The following TNFSF4 variants were observed in gnomAD, a reference collection of about 807,000 sequenced individuals.
The protein encoded by TNFSF4 is tumor necrosis factor ligand superfamily member 4.
In TNFSF4, 4 loss-of-function variants were observed where a neutral mutation model predicts 7.3. The observed-to-expected ratio is 0.55, with a 90% CI of 0.27 to 1.25. The LOEUF (loss-of-function observed/expected upper bound fraction) is 1.25. TNFSF4 is among the 50% of genes most tolerant of loss of function. TNFSF4 has a pLI of 0.12. For synonymous variants in TNFSF4, 76 were observed against 83.7 expected, an observed-to-expected ratio of 0.91 and a Z score of 0.50; for missense variants, 181 against 208.8, an observed-to-expected ratio of 0.87 and a Z score of 0.82.
At chr1:173,311,861 G>A in the TNFSF4 span, among the ~76,000 whole-genome samples, 3 of 152,076 alleles carry the variant, frequency 2.0e-5, no homozygotes, top group South Asian at 4.1e-4. Flanking sequence ...GCAACAAATC[G>A]GTAATGGACA....
chr1:173,285,378 T>C, the TNFSF4 span, among the ~76,000 whole-genome samples: 1 of 152,170 alleles, frequency 6.6e-6, no homozygotes, highest in Non-Finnish European at 1.5e-5. Flanking sequence ...GTGAAGATGC[T>C]GTGAACATTG....
At chr1:173,232,601 G>A in the TNFSF4 span, among the ~76,000 whole-genome samples, 1 of 152,154 alleles carries the variant, frequency 6.6e-6, no homozygotes, top group Non-Finnish European at 1.5e-5. Flanking sequence ...TATTGGCTGT[G>A]GGTTTGCCAT....
the TNFSF4 span, among the ~76,000 whole-genome samples, chr1:173,245,364 T>C: frequency 6.6e-6 from 1 of 152,208 alleles, no homozygotes; most frequent in Non-Finnish European, 1.5e-5. Context: ...TAGAGATTAT[T>C]CCAGGTTCCC....
chr1:173,368,024 TCAATCAGTGCTCTGTAAAATGCAC>T, the TNFSF4 span, among the ~76,000 whole-genome samples: 1 of 152,118 alleles, frequency 6.6e-6, no homozygotes, highest in African/African-American at 2.4e-5. Flanking sequence ...GTAAAATGCA[TCAATCAGTGCTCTGTAAAATGCAC>T]CAATCAGCAC....
chr1:173,328,262 C>A, the TNFSF4 span, among the ~76,000 whole-genome samples: 1 of 150,258 alleles, frequency 6.7e-6, no homozygotes, highest in South Asian at 2.1e-4. Flanking sequence ...AGACAAAAAA[C>A]CAAACACCGC....
chr1:173,230,468 G>A, the TNFSF4 span, among the ~76,000 whole-genome samples: 15 of 152,180 alleles, frequency 9.9e-5, no homozygotes, highest in South Asian at 2.1e-4. Context: ...ATGCTCACAA[G>A]AGAAAGCAGG....
chr1:173,390,015 G>C, the TNFSF4 span, among the ~76,000 whole-genome samples: 5 of 152,088 alleles, frequency 3.3e-5, no homozygotes, highest in Non-Finnish European at 5.9e-5. Context: ...TGTTGGGCCT[G>C]GGTTAAGGGT....
the TNFSF4 span, among the ~76,000 whole-genome samples, chr1:173,376,823 C>A: frequency 6.6e-6 from 1 of 152,174 alleles, no homozygotes; most frequent in South Asian, 2.1e-4. Context: ...TGCTTCTGCT[C>A]AATCTTTGGG....
At chr1:173,330,302 A>ATGT in the TNFSF4 span, among the ~76,000 whole-genome samples, 14 of 63,858 alleles carry the variant, frequency 2.2e-4, no homozygotes, top group East Asian at 0.017. Context: ...TTAATACTAA[A>ATGT]TATTAATTGA....
chr1:173,230,333 G>T, the TNFSF4 span, among the ~76,000 whole-genome samples: 1 of 152,096 alleles, frequency 6.6e-6, no homozygotes, highest in Admixed American at 6.6e-5. Flanking sequence ...ATGACTACTG[G>T]GTACATAACA....
the TNFSF4 span, among the ~76,000 whole-genome samples, chr1:173,431,458 G>C: frequency 1.3e-5 from 2 of 152,192 alleles, no homozygotes; most frequent in Non-Finnish European, 2.9e-5. Flanking sequence ...GGGCCCTGCT[G>C]GGGGCCCAAA....
At chr1:173,238,870 GT>G in the TNFSF4 span, among the ~76,000 whole-genome samples, 2 of 152,090 alleles carry the variant, frequency 1.3e-5, no homozygotes, top group African/African-American at 4.8e-5. Flanking sequence ...GCAGGGAGAA[GT>G]TTTAGAGGCC....
chr1:173,321,693 A>G, the TNFSF4 span, among the ~76,000 whole-genome samples: 1 of 152,196 alleles, frequency 6.6e-6, no homozygotes, highest in Non-Finnish European at 1.5e-5. Flanking sequence ...GAAGAGATTT[A>G]TGCAGCCAAT....
chr1:173,335,226 A>T, the TNFSF4 span, among the ~76,000 whole-genome samples: 1 of 152,104 alleles, frequency 6.6e-6, no homozygotes, highest in East Asian at 1.9e-4. Context: ...TTCAATGTAG[A>T]GAAAGAGATT....
the TNFSF4 span, among the ~76,000 whole-genome samples, chr1:173,237,347 G>GAT: frequency 6.6e-6 from 1 of 152,104 alleles, no homozygotes; most frequent in Admixed American, 6.6e-5. Context: ...ATGAAGAAAA[G>GAT]GCTTTTGATA....
At chr1:173,204,850 T>C (rs1040639691) in intron 1 of TNFSF4, among the ~76,000 whole-genome samples, 9 of 151,884 alleles carry the variant, frequency 5.9e-5, no homozygotes, top group African/African-American at 1.7e-4. Context: ...CTCTACAATG[T>C]TCTCTCTCAA....
chr1:173,283,535 A>C, the TNFSF4 span, among the ~76,000 whole-genome samples: 8 of 152,306 alleles, frequency 5.3e-5, no homozygotes, highest in South Asian at 1.5e-3. Flanking sequence ...TCTCTAGAGA[A>C]GAGCACTCTC....
At chr1:173,275,449 G>C in the TNFSF4 span, among the ~76,000 whole-genome samples, 2 of 152,118 alleles carry the variant, frequency 1.3e-5, no homozygotes, top group African/African-American at 4.8e-5. Flanking sequence ...AGATAGTCTG[G>C]AACTAAAGCT....
chr1:173,221,515 G>A, the TNFSF4 span, among the ~76,000 whole-genome samples: 7 of 152,292 alleles, frequency 4.6e-5, no homozygotes, highest in East Asian at 1.3e-3. Flanking sequence ...AGACTTACTG[G>A]ATTAGATACG....
Sources: allele counts gnomAD v4.1 joint callset (sites outside exome capture counted in the v4.1 genomes callset), GRCh38; gene constraint gnomAD v4.1.1; transcripts MANE v1.5; gene names NCBI Gene and HGNC (gene_info 2026-07-23, HGNC 2026-07-21).